The following SLC30A9 variants were observed in gnomAD, a reference collection of about 807,000 sequenced individuals.
SLC30A9 encodes the protein solute carrier family 30 member 9.
Under a neutral mutation model 87.5 loss-of-function variants are expected in SLC30A9, and 58 were observed. That is an observed-to-expected ratio of 0.66 (90% CI 0.54 to 0.82). The LOEUF (loss-of-function observed/expected upper bound fraction) is 0.82, where lower values mean the gene tolerates loss of function less well. Ranked by LOEUF, SLC30A9 falls within the 40% of genes least tolerant of loss-of-function variation. The pLI is 0.00. For missense variants in SLC30A9, 557 were observed against 679.1 expected (o/e 0.82, Z 2.00); for synonymous variants, 234 against 233.0 (o/e 1.00, Z -0.04).
chr4:42,028,460 A>G (rs1391942864), intron 6 of SLC30A9, among the ~76,000 whole-genome samples: 1 of 152,260 alleles, frequency 6.6e-6, no homozygotes, highest in East Asian at 1.9e-4. Context: ...ATACTAATTC[A>G]GTAAACCTGA....
intron 9 of SLC30A9, among the ~76,000 whole-genome samples, chr4:42,059,402 CT>C (rs1278845017): frequency 6.6e-6 from 1 of 151,984 alleles, no homozygotes; most frequent in Non-Finnish European, 1.5e-5. Context: ...GTGGATAACT[CT>C]TTAACAAAGG....
At chr4:42,046,630 C>T (rs1717161247) in intron 8 of SLC30A9, among the ~76,000 whole-genome samples, 1 of 152,078 alleles carries the variant, frequency 6.6e-6, no homozygotes, top group African/African-American at 2.4e-5. Context: ...TAGGAATAAT[C>T]AATATCATGA....
chr4:42,052,743 T>C (rs891755404), intron 9 of SLC30A9, among the ~76,000 whole-genome samples: 1 of 152,208 alleles, frequency 6.6e-6, no homozygotes, highest in Non-Finnish European at 1.5e-5. Context: ...TTGAAATGGA[T>C]CATAGTCCAA....
At chr4:42,038,854 C>A in intron 7 of SLC30A9, 132 bp from the exon 8 acceptor site, 1 of 605,130 alleles carries the variant, frequency 1.7e-6, no homozygotes, top group Admixed American at 2.8e-5. Context: ...ACAAGAACTT[C>A]TAGAGAAAAA....
chr4:42,007,940 T>A (rs1337077355), intron 2 of SLC30A9, among the ~76,000 whole-genome samples: 1 of 152,194 alleles, frequency 6.6e-6, no homozygotes, highest in Non-Finnish European at 1.5e-5. Flanking sequence ...GTCACTTTTT[T>A]AATTAAAACT....
rs143631543 is a variant in SLC30A9 at position 42,079,237 on chromosome 4, T to G, written c.1662+912T>G. Among the ~76,000 whole-genome samples, 23 of 152,232 alleles carry G rather than the reference T, an allele frequency of 1.5e-4. No homozygotes were observed. The East Asian group carries it at 1.7e-3, about 11-fold the overall frequency. On this transcript the variant is annotated intron_variant, in intron 17 of 17. Transcript: ENST00000264451. ...TTACCAAATCATGCATGAAAGTAGA[T>G]AAATTTTAAAATATTTATCATTTAC...
intron 6 of SLC30A9, among the ~76,000 whole-genome samples, chr4:42,030,528 C>G (rs551077707): frequency 6.7e-6 from 1 of 150,150 alleles, no homozygotes; most frequent in South Asian, 2.1e-4. Flanking sequence ...TTTATGTGAG[C>G]AGGTTTTGCT....
chr4:42,047,988 A>C (rs1053909318), intron 8 of SLC30A9, among the ~76,000 whole-genome samples: 2 of 152,182 alleles, frequency 1.3e-5, no homozygotes, highest in Non-Finnish European at 1.5e-5. Context: ...CAGAAAATCA[A>C]ACACCACATG....
chr4:42,083,369 G>A (rs960127372), intron 17 of SLC30A9, among the ~76,000 whole-genome samples: 5 of 152,130 alleles, frequency 3.3e-5, no homozygotes, highest in Admixed American at 6.5e-5. Flanking sequence ...GAATAAGTGG[G>A]TGAAAATTTT....
chr4:42,071,795 G>T (rs1286756724), intron 15 of SLC30A9, among the ~76,000 whole-genome samples: 1 of 152,052 alleles, frequency 6.6e-6, no homozygotes, highest in African/African-American at 2.4e-5. Flanking sequence ...GTCTGGTTTT[G>T]GTATTAAGAT....
chr4:42,074,596 G>C (rs968524183), intron 15 of SLC30A9, among the ~76,000 whole-genome samples: 3 of 152,230 alleles, frequency 2.0e-5, no homozygotes, highest in Admixed American at 2.0e-4. Context: ...AGCTGGGCTG[G>C]GGAGTCCTAA....
intron 2 of SLC30A9, among the ~76,000 whole-genome samples, chr4:42,007,888 AT>A (rs1715281969): frequency 1.3e-5 from 2 of 151,970 alleles, no homozygotes; most frequent in Non-Finnish European, 2.9e-5. Context: ...TCTGTAGTTC[AT>A]TTTTCACGTA....
chr4:42,003,959 T>G (rs772552146), intron 2 of SLC30A9, among the ~76,000 whole-genome samples: 2 of 152,214 alleles, frequency 1.3e-5, no homozygotes, highest in Non-Finnish European at 2.9e-5. Context: ...TTGGCTAATA[T>G]TTTCTGTCTA....
intron 2 of SLC30A9, among the ~76,000 whole-genome samples, chr4:42,003,473 G>T (rs1715069923): frequency 1.3e-5 from 2 of 151,916 alleles, no homozygotes; most frequent in Non-Finnish European, 2.9e-5. Flanking sequence ...ATAATTTGAG[G>T]CTGTCATTAG....
In SLC30A9 at chr4:42,022,919, T is replaced by G. The variant is rs1560541482; in HGVS notation, c.516T>G (p.Asp172Glu). 1 of 1,558,538 alleles carries G rather than the reference T, an allele frequency of 6.4e-7. No homozygotes were observed. Among genetic ancestry groups the G allele is most frequent in the African/African-American group, 1.4e-5 (1 of 73,290 alleles). The change falls in exon 5 of 18, where the codon GAT becomes GAG. Residue 172 changes from aspartate (D) to glutamate (E), a missense_variant. By Grantham distance (45) the Asp-to-Glu change is conservative. Transcript: ENST00000264451. ...CTTTTACTGTATACTTGAGATCAGATGTGGAAGCAAAGTAAGAACATAGTT... is the reference window on the plus strand; with the variant it reads ...CTTTTACTGTATACTTGAGATCAGAGGTGGAAGCAAAGTAAGAACATAGTT... ...TESFTVYLRS[D>E]VEAKSLEVWG...
chr4:42,077,476 C>T (rs1156978328), intron 16 of SLC30A9, among the ~76,000 whole-genome samples: 1 of 152,076 alleles, frequency 6.6e-6, no homozygotes, highest in Non-Finnish European at 1.5e-5. Context: ...GCGATCTTGG[C>T]TCACTGCAAC....
intron 8 of SLC30A9, among the ~76,000 whole-genome samples, chr4:42,042,037 C>T (rs778131971): frequency 1.8e-4 from 27 of 152,286 alleles, no homozygotes; most frequent in Middle Eastern, 6.8e-3. Context: ...CCAGATACTA[C>T]GCTTTTCCCA....
intron 17 of SLC30A9, among the ~76,000 whole-genome samples, chr4:42,083,295 G>A (rs1345519987): frequency 6.6e-6 from 1 of 152,108 alleles, no homozygotes; most frequent in Non-Finnish European, 1.5e-5. Flanking sequence ...AAATCCTCAT[G>A]GTGTGTAAAA....
At position 42,049,435 on chromosome 4, in the gene SLC30A9, A is replaced by G. The variant is rs138544445; in HGVS notation, c.796A>G (p.Met266Val). 4.4e-4 allele frequency: 717 copies of G among 1,611,860 alleles called. 11 individuals are homozygous for G. The South Asian group carries it at 5.4e-3, about 12-fold the overall frequency. The stretch of plus-strand genomic sequence containing the variant: ...CTGGATTTATACCGGTTCAGCAAGT[A>G]TGTTCTCAGAAGCTATACACTCATT... ...LAWIYTGSASMFSEAIHSLSD... is the reference protein window; with the variant it reads ...LAWIYTGSASVFSEAIHSLSD... Residue 266 changes from methionine to valine, a missense_variant, in exon 9 of 18, where the codon ATG becomes GTG. This residue lies in a region of SLC30A9 where 467 missense variants were observed against 529.8 expected (regional missense o/e 0.88). Coordinates refer to ENST00000264451, the MANE Select transcript of SLC30A9 (RefSeq NM_006345.4).
Sources: allele counts gnomAD v4.1 joint callset (sites outside exome capture counted in the v4.1 genomes callset), GRCh38; gene constraint gnomAD v4.1.1; regional missense constraint gnomAD v4.1.1; transcripts MANE v1.5; gene names NCBI Gene and HGNC (gene_info 2026-07-23, HGNC 2026-07-21).